Variants in PDE1C observed in about 807,000 individuals in gnomAD.
PDE1C encodes phosphodiesterase 1C.
PDE1C carries 62 observed loss-of-function variants against 93.1 expected under a neutral mutation model. The observed-to-expected ratio is 0.67, with a 90% confidence interval of 0.54 to 0.82. PDE1C has a LOEUF of 0.82. Ranked by LOEUF, PDE1C falls within the 40% of genes least tolerant of loss-of-function variation. The probability of loss-of-function intolerance (pLI) is 0.00; values close to 1 mark genes in which losing one functional copy is unlikely to be tolerated. For missense variants in PDE1C, 742 were observed against 884.6 expected (o/e 0.84, Z 2.04); for synonymous variants, 325 against 310.1 (o/e 1.05, Z -0.50).
intron 3 of PDE1C, among the ~76,000 whole-genome samples, chr7:32,079,338 G>C (rs887478227): frequency 1.3e-5 from 2 of 152,208 alleles, no homozygotes; most frequent in African/African-American, 4.8e-5. Context: ...ATGCATCACT[G>C]TAAAGGTAAA....
At chr7:31,681,649 A>C in the PDE1C span, among the ~76,000 whole-genome samples, 23 of 152,228 alleles carry the variant, frequency 1.5e-4, 1 homozygote, top group East Asian at 1.9e-3. Context: ...TAAAAGATCC[A>C]TGCTGTCTGT....
chr7:31,659,237 A>T, the PDE1C span, among the ~76,000 whole-genome samples: 1 of 152,204 alleles, frequency 6.6e-6, no homozygotes, highest in East Asian at 1.9e-4. Context: ...TGTCAAATGC[A>T]TTGCTTTGTT....
chr7:31,656,854 A>G, the PDE1C span, among the ~76,000 whole-genome samples: 1 of 150,358 alleles, frequency 6.7e-6, no homozygotes, highest in Non-Finnish European at 1.5e-5. Flanking sequence ...TCCAAAAAAG[A>G]GCATAGAAGG....
At chr7:32,218,332 C>G (rs1806578503) in intron 1 of PDE1C, among the ~76,000 whole-genome samples, 1 of 152,216 alleles carries the variant, frequency 6.6e-6, no homozygotes, top group Non-Finnish European at 1.5e-5. Flanking sequence ...GAAAATAAAA[C>G]TAATTTGTAG....
At chr7:32,329,775 A>G (rs1179579855) in intron 1 of PDE1C, among the ~76,000 whole-genome samples, 1 of 152,032 alleles carries the variant, frequency 6.6e-6, no homozygotes, top group Non-Finnish European at 1.5e-5. Context: ...TCAGGAGAGG[A>G]CTTGGTTGAA....
intron 16 of PDE1C, among the ~76,000 whole-genome samples, chr7:31,801,632 T>C (rs991576668): frequency 6.6e-6 from 1 of 151,500 alleles, no homozygotes; most frequent in South Asian, 2.1e-4. Context: ...GAATTAAAAA[T>C]GTTTTTGTAG....
At chr7:31,797,935 T>C (rs1785510630) in intron 16 of PDE1C, among the ~76,000 whole-genome samples, 1 of 151,700 alleles carries the variant, frequency 6.6e-6, no homozygotes, top group African/African-American at 2.4e-5. Flanking sequence ...GGGGTGCCTC[T>C]TGCACTGTCA....
At chr7:31,789,103 G>C (rs911906091) in intron 16 of PDE1C, 1 of 152,050 alleles carries the variant, frequency 6.6e-6, no homozygotes, top group African/African-American at 2.4e-5. Flanking sequence ...TCTTGGGAAG[G>C]ACTCAGAGAT....
chr7:32,376,163 A>G (rs552925684), intron 1 of PDE1C, among the ~76,000 whole-genome samples: 1 of 147,114 alleles, frequency 6.8e-6, no homozygotes, highest in Non-Finnish European at 1.5e-5. Context: ...TGTCAAAAAA[A>G]GAAAGAAAGA....
intron 2 of PDE1C, among the ~76,000 whole-genome samples, chr7:32,173,051 C>CATG (rs1802757511): frequency 6.6e-6 from 1 of 152,116 alleles, no homozygotes; most frequent in Non-Finnish European, 1.5e-5. Flanking sequence ...TATATAGACA[C>CATG]ATGCACACAT....
At chr7:32,068,400 A>AAAG (rs80277962) in intron 1 of PDE1C, among the ~76,000 whole-genome samples, 6 of 152,080 alleles carry the variant, frequency 3.9e-5, no homozygotes, top group Non-Finnish European at 8.8e-5. Context: ...TTATGTTTAA[A>AAAG]AAGAAGAAGA....
chr7:31,894,305 G>T (rs780866874), intron 2 of PDE1C, among the ~76,000 whole-genome samples: 90 of 152,316 alleles, frequency 5.9e-4, no homozygotes, highest in Non-Finnish European at 2.5e-4. Context: ...CACAGGAGAG[G>T]GGCATCTGCC....
intron 1 of PDE1C, among the ~76,000 whole-genome samples, chr7:32,381,977 T>C (rs755454930): frequency 7.2e-5 from 11 of 152,134 alleles, no homozygotes; most frequent in African/African-American, 1.7e-4. Context: ...ATTCGAGCAT[T>C]TTTACATAAA....
intron 1 of PDE1C, among the ~76,000 whole-genome samples, chr7:32,270,896 C>T (rs182176697): frequency 5.9e-5 from 9 of 151,864 alleles, no homozygotes; most frequent in Middle Eastern, 3.4e-3. Context: ...TTTGGGAGGC[C>T]GAGGCAGGCA....
chr7:31,879,271 T>G, intron 3 of PDE1C, 93 bp from the exon 4 acceptor site: 1 of 1,226,412 alleles, frequency 8.2e-7, no homozygotes, highest in Non-Finnish European at 1.1e-6. Context: ...CTCACCTGCA[T>G]GTTAGGTGCA....
At chr7:32,418,388 AT>A (rs1453681841) in intron 1 of PDE1C, among the ~76,000 whole-genome samples, 6 of 152,184 alleles carry the variant, frequency 3.9e-5, no homozygotes, top group African/African-American at 1.4e-4. Flanking sequence ...GGAGATAACA[AT>A]GGCACTTACC....
intron 1 of PDE1C, among the ~76,000 whole-genome samples, chr7:32,312,920 A>G (rs1783082673): frequency 6.6e-6 from 1 of 152,200 alleles, no homozygotes; most frequent in Non-Finnish European, 1.5e-5. Context: ...TAATTAAACT[A>G]AAGAGCTTCT....
At chr7:32,047,082 T>TGC (rs1221455631) in intron 2 of PDE1C, among the ~76,000 whole-genome samples, 3 of 151,672 alleles carry the variant, frequency 2.0e-5, no homozygotes, top group Non-Finnish European at 4.4e-5. Context: ...TGTGTGTGTG[T>TGC]GTGTGTGTGT....
At chr7:32,240,718 C>G (rs1562609798) in intron 1 of PDE1C, among the ~76,000 whole-genome samples, 1 of 152,030 alleles carries the variant, frequency 6.6e-6, no homozygotes, top group African/African-American at 2.4e-5. Context: ...AGAAGGCCAC[C>G]AGGGGGTTTG....
Sources: allele counts gnomAD v4.1 joint callset (sites outside exome capture counted in the v4.1 genomes callset), GRCh38; gene constraint gnomAD v4.1.1; transcripts MANE v1.5; gene names NCBI Gene and HGNC (gene_info 2026-07-23, HGNC 2026-07-21).